STAG1: variants seen among roughly 807,000 people sequenced by gnomAD.
STAG1 encodes the protein cohesin subunit SA-1.
STAG1 carries 26 observed loss-of-function variants against 170.9 expected under a neutral mutation model. That is an observed-to-expected ratio of 0.15 (90% CI 0.11 to 0.21). The LOEUF is 0.21. STAG1 is among the 10% of genes least tolerant of loss of function. The probability of loss-of-function intolerance (pLI) is 1.00; values close to 1 mark genes in which losing one functional copy is unlikely to be tolerated. For missense variants in STAG1, 964 were observed against 1,509.5 expected (o/e 0.64, Z 5.99); for synonymous variants, 514 against 497.7 (o/e 1.03, Z -0.44).
At chr3:136,370,032 T>C (rs1937237940) in intron 23 of STAG1, among the ~76,000 whole-genome samples, 1 of 151,478 alleles carries the variant, frequency 6.6e-6, no homozygotes. Context: ...AATGACTATG[T>C]TACTGGCGTA....
At chr3:136,682,992 T>C (rs1344858529) in intron 1 of STAG1, among the ~76,000 whole-genome samples, 1 of 152,144 alleles carries the variant, frequency 6.6e-6, no homozygotes, top group Non-Finnish European at 1.5e-5. Flanking sequence ...GGATATTGTG[T>C]TAAGCGAAAT....
chr3:136,431,162 C>T (rs1240338416), intron 16 of STAG1, among the ~76,000 whole-genome samples: 1 of 152,010 alleles, frequency 6.6e-6, no homozygotes, highest in Non-Finnish European at 1.5e-5. Context: ...CCTTGGCCTC[C>T]CAAAGTGACA....
At chr3:136,513,753 G>A (rs946451182) in intron 7 of STAG1, among the ~76,000 whole-genome samples, 1 of 152,032 alleles carries the variant, frequency 6.6e-6, no homozygotes, top group Non-Finnish European at 1.5e-5. Context: ...TTCCCAAATT[G>A]TCTTTTTCTC....
chr3:136,706,174 G>A (rs985106856), intron 1 of STAG1, among the ~76,000 whole-genome samples: 1 of 152,146 alleles, frequency 6.6e-6, no homozygotes, highest in Non-Finnish European at 1.5e-5. Flanking sequence ...CATACTCAAT[G>A]GTGAATAACT....
chr3:136,379,907 G>A (rs144428252), intron 22 of STAG1, among the ~76,000 whole-genome samples: 197 of 152,244 alleles, frequency 1.3e-3, no homozygotes, highest in African/African-American at 4.3e-3. Context: ...ACTGAAGAAG[G>A]ATTTTTAGCA....
At chr3:136,624,754 G>A (rs1422315140) in intron 2 of STAG1, among the ~76,000 whole-genome samples, 1 of 151,976 alleles carries the variant, frequency 6.6e-6, no homozygotes, top group Non-Finnish European at 1.5e-5. Flanking sequence ...TGATTTTCAC[G>A]GTGTACATAT....
intron 12 of STAG1, among the ~76,000 whole-genome samples, chr3:136,466,936 T>C: frequency 6.6e-6 from 1 of 152,156 alleles, no homozygotes; most frequent in Non-Finnish European, 1.5e-5. Flanking sequence ...TAAAATCCTT[T>C]AGAGACAAAC....
At chr3:136,742,350 G>C (rs921155773) in intron 1 of STAG1, among the ~76,000 whole-genome samples, 3 of 152,102 alleles carry the variant, frequency 2.0e-5, no homozygotes, top group African/African-American at 7.2e-5. Flanking sequence ...AAATCATAAA[G>C]ATATGACTCA....
At chr3:136,586,780 T>C (rs980573423) in intron 4 of STAG1, 18 of 450,708 alleles carry the variant, frequency 4.0e-5, no homozygotes, top group African/African-American at 6.0e-5. Context: ...CATCCAGCTA[T>C]GAAATACATT....
intron 1 of STAG1, among the ~76,000 whole-genome samples, chr3:136,638,673 C>A (rs985500268): frequency 6.6e-6 from 1 of 152,018 alleles, no homozygotes; most frequent in Admixed American, 6.6e-5. Flanking sequence ...GAGGCCTAGG[C>A]GGACAGATCA....
chr3:136,659,259 C>G (rs896336764), intron 1 of STAG1, among the ~76,000 whole-genome samples: 2 of 152,190 alleles, frequency 1.3e-5, no homozygotes, highest in Admixed American at 6.5e-5. Flanking sequence ...TTTGTCCTGT[C>G]TCACTGTCAT....
At chr3:136,476,873 T>C (rs955283276) in intron 10 of STAG1, among the ~76,000 whole-genome samples, 18 of 152,128 alleles carry the variant, frequency 1.2e-4, no homozygotes, top group Non-Finnish European at 5.9e-5. Flanking sequence ...AGATCAAATA[T>C]TCTAAAATCC....
At chr3:136,520,767 T>C (rs1320213001) in intron 7 of STAG1, among the ~76,000 whole-genome samples, 1 of 152,156 alleles carries the variant, frequency 6.6e-6, no homozygotes, top group African/African-American at 2.4e-5. Flanking sequence ...ATAGGAAGAA[T>C]GTTTGTTACC....
chr3:136,537,486 TTTTG>T (rs1935688856), intron 6 of STAG1, among the ~76,000 whole-genome samples: 2 of 150,822 alleles, frequency 1.3e-5, no homozygotes, highest in African/African-American at 4.9e-5. Flanking sequence ...AGTGTCTTTT[TTTTG>T]TTTATTTTTT....
chr3:136,686,502 C>G (rs903510344), intron 1 of STAG1, among the ~76,000 whole-genome samples: 2 of 152,296 alleles, frequency 1.3e-5, no homozygotes, highest in South Asian at 4.2e-4. Flanking sequence ...GAGCCACAGG[C>G]ATTAGCAATC....
At chr3:136,734,330 T>C (rs1337922389) in intron 1 of STAG1, among the ~76,000 whole-genome samples, 2 of 152,142 alleles carry the variant, frequency 1.3e-5, no homozygotes, top group South Asian at 2.1e-4. Context: ...AAACTCATGT[T>C]TGACTATGTA....
intron 29 of STAG1, among the ~76,000 whole-genome samples, chr3:136,345,021 T>C (rs1936160891): frequency 1.3e-5 from 2 of 152,200 alleles, no homozygotes; most frequent in African/African-American, 4.8e-5. Flanking sequence ...ATATAAATTA[T>C]CTCTGTAAAA....
chr3:136,535,004 C>T lies in STAG1; in HGVS notation c.471+7115G>A, dbSNP rs184964698. Among the ~76,000 whole-genome samples, 1,178 of 152,268 alleles carry T rather than the reference C, an allele frequency of 7.7e-3. 6 individuals carry two copies. The highest frequency in any genetic ancestry group is 0.012 in the Non-Finnish European group (839 of 68,022). On this transcript the variant is annotated intron_variant, in intron 6 of 33. Transcript: ENST00000383202. ...AAGATATGGAATCAATCTAAGTGTC[C>T]ATCAATAGATGAATGGATAAAGAAA...
intron 25 of STAG1, among the ~76,000 whole-genome samples, chr3:136,365,255 A>G (rs1451671404): frequency 1.3e-5 from 2 of 152,184 alleles, no homozygotes; most frequent in African/African-American, 4.8e-5. Context: ...CTATATAAAA[A>G]GGGTAGGATA....
Sources: allele counts gnomAD v4.1 joint callset (sites outside exome capture counted in the v4.1 genomes callset), GRCh38; gene constraint gnomAD v4.1.1; transcripts MANE v1.5; gene names NCBI Gene and HGNC (gene_info 2026-07-23, HGNC 2026-07-21).